The following RELL1 variants were observed in gnomAD, a reference collection of about 807,000 sequenced individuals.
RELL1 encodes the protein RELT-like protein 1.
A neutral mutation model predicts 23.0 loss-of-function variants in RELL1; 10 were observed. That is an observed-to-expected ratio of 0.43 (90% confidence interval 0.27 to 0.74). The LOEUF is 0.74. RELL1 is among the 30% of genes least tolerant of loss of function. The pLI is 0.19. For synonymous variants in RELL1, 146 were observed against 146.8 expected, an observed-to-expected ratio of 0.99 and a Z score of 0.04; for missense variants, 315 against 364.4, an observed-to-expected ratio of 0.86 and a Z score of 1.10.
chr4:37,605,849 AAAG>A (rs1719195358), downstream of RELL1, among the ~76,000 whole-genome samples: 1 of 75,690 alleles, frequency 1.3e-5, no homozygotes, highest in Non-Finnish European at 4.6e-5. Flanking sequence ...GAAAGAAGGA[AAAG>A]AAAAGAAAAG....
chr4:37,650,986 G>A (rs1487919872), intron 1 of RELL1, among the ~76,000 whole-genome samples: 2 of 150,732 alleles, frequency 1.3e-5, no homozygotes, highest in Non-Finnish European at 2.9e-5. Context: ...TTGAGCCTGC[G>A]AGGCAGAGGT....
At chr4:37,676,249 G>T (rs2109313503) in intron 1 of RELL1, among the ~76,000 whole-genome samples, 1 of 152,230 alleles carries the variant, frequency 6.6e-6, no homozygotes, top group East Asian at 1.9e-4. Context: ...GCTCCATAAA[G>T]GCAGGTACTG....
At chr4:37,686,145 GCGCTCCCGGGACCGGGC>G in intron 1 of RELL1, 38 bp downstream of exon 1, 1 of 1,462,724 alleles carries the variant, frequency 6.8e-7, no homozygotes, top group Non-Finnish European at 9.2e-7. Context: ...GCTTCCTTCC[GCGCTCCCGGGACCGGGC>G]TCAGCACCCG....
Position 37,631,428 on chromosome 4 carries a change from G to A in RELL1, c.776C>T (p.Pro259Leu), listed in dbSNP as rs377700532. The A allele has an allele frequency of 2.3e-5, 37 of 1,613,900 alleles. 2 individuals are homozygous for A. The highest frequency in any genetic ancestry group is 1.7e-4 in the African/African-American group (13 of 74,864). The change falls in exon 6 of 7, where the codon CCG becomes CTG. Residue 259 changes from proline to leucine, a missense_variant. Coordinates refer to ENST00000454158, the MANE Select transcript of RELL1 (RefSeq NM_001085400.2). ...SGAETVNGEV[P>L]ATPVKRERSG... is the part of the protein sequence containing the mutation. ...GCGTTCTCTCTTCACAGGTGTTGCC[G>A]GCACCTCCCCATTGACGGTTTCAGC...
chr4:37,590,803 G>A, exon 7 of RELL1: 1 of 1,614,166 alleles, frequency 6.2e-7, no homozygotes, highest in Non-Finnish European at 8.5e-7. Flanking sequence ...GGAAACAGAA[G>A]TTCTAAGCAT....
chr4:37,661,725 C>T (rs1721365157), intron 1 of RELL1, among the ~76,000 whole-genome samples: 1 of 152,234 alleles, frequency 6.6e-6, no homozygotes, highest in Non-Finnish European at 1.5e-5. Context: ...CTAAGACCAT[C>T]TACCCACAGT....
At chr4:37,609,829 G>A (rs1310049489), downstream of RELL1, among the ~76,000 whole-genome samples, 1 of 152,214 alleles carries the variant, frequency 6.6e-6, no homozygotes, top group Non-Finnish European at 1.5e-5. Flanking sequence ...TTGAATAGAT[G>A]AGGAATTGCT....
chr4:37,612,335 AAAAC>A lies in RELL1; in HGVS notation c.*1007_*1010del, dbSNP rs796432737. On this transcript the variant is annotated 3_prime_UTR_variant, in exon 7 of 7. Coordinates refer to ENST00000454158, the MANE Select transcript of RELL1 (RefSeq NM_001085400.2). Reference sequence around the variant, plus strand: ...TCAGCTAAAGGTTAAAAAAAAAAAAAAAACAAAAAAAAACAAAAAACCGGGTGCA... The same window carrying A: ...TCAGCTAAAGGTTAAAAAAAAAAAAAAAAAAAAAACAAAAAACCGGGTGCA... Among the ~76,000 whole-genome samples the A allele has an allele frequency of 1.6e-3, 40 of 24,650 alleles. 1 individual carries two copies. Among genetic ancestry groups the A allele is most frequent in the African/African-American group, 2.8e-3 (37 of 13,158 alleles). 16.2% of individuals were successfully genotyped at this position (24,650 alleles called of 152,430 possible).
chr4:37,632,106 A>C (rs894585459), intron 5 of RELL1, among the ~76,000 whole-genome samples: 3 of 151,038 alleles, frequency 2.0e-5, no homozygotes, highest in Non-Finnish European at 3.0e-5. Flanking sequence ...AAAAAAAAAA[A>C]AAACACCTCA....
intron 1 of RELL1, among the ~76,000 whole-genome samples, chr4:37,684,809 C>T (rs926187983): frequency 6.6e-6 from 1 of 151,876 alleles, no homozygotes; most frequent in Non-Finnish European, 1.5e-5. Flanking sequence ...AAAAATTAGC[C>T]GGGCATGGTG....
intron 1 of RELL1, among the ~76,000 whole-genome samples, chr4:37,654,909 T>C (rs1388724351): frequency 6.6e-6 from 1 of 152,084 alleles, no homozygotes; most frequent in African/African-American, 2.4e-5. Context: ...AAAACCAAAA[T>C]GCTAAGTGAT....
intron 1 of RELL1, among the ~76,000 whole-genome samples, chr4:37,669,223 C>T (rs1236895835): frequency 8.3e-6 from 1 of 120,014 alleles, no homozygotes; most frequent in South Asian, 2.4e-4. Flanking sequence ...CCGCCCCGTC[C>T]GGGAGGGAGG....
At chr4:37,590,786 A>AG, downstream of RELL1, 1 of 1,614,074 alleles carries the variant, frequency 6.2e-7, no homozygotes, top group Non-Finnish European at 8.5e-7. Flanking sequence ...TCATTGAATG[A>AG]GGATGTGGAA....
At chr4:37,589,232 C>A (rs1364449937), downstream of RELL1, among the ~76,000 whole-genome samples, 2 of 152,184 alleles carry the variant, frequency 1.3e-5, no homozygotes, top group African/African-American at 4.8e-5. Flanking sequence ...GTCCACATTG[C>A]ATTTCAGAAA....
At chr4:37,662,841 T>C (rs1051986037) in intron 1 of RELL1, among the ~76,000 whole-genome samples, 3 of 151,308 alleles carry the variant, frequency 2.0e-5, no homozygotes, top group African/African-American at 7.3e-5. Flanking sequence ...AGGATCCCGG[T>C]GTCTTGAGAG....
chr4:37,630,651 A>G (rs1433179430), intron 6 of RELL1, among the ~76,000 whole-genome samples: 1 of 151,702 alleles, frequency 6.6e-6, no homozygotes, highest in Non-Finnish European at 1.5e-5. Flanking sequence ...ATGGGATTAC[A>G]GGCGTGAGCC....
In RELL1 at chr4:37,649,361, G is replaced by T. The variant is rs751973905; in HGVS notation, c.228C>A (p.Leu76=). 1 of 1,614,210 alleles carries T rather than the reference G, an allele frequency of 6.2e-7. No homozygotes were observed. Among genetic ancestry groups the T allele is most frequent in the South Asian group, 1.1e-5 (1 of 91,082 alleles). ...CTTTCTTCTTAAGCAGGTGGCAAAT[G>T]AGGACGCCAAAGAGACCCATGATAA... ...VFFIMGLFGV[L]ICHLLKKKGY... The change falls in exon 2 of 7, where the codon CTC becomes CTA. Residue 76 remains leucine, a synonymous_variant. Transcript: ENST00000454158.
In RELL1 at chr4:37,657,498, G is replaced by A. The variant is rs552304937; in HGVS notation, c.89-7998C>T. Among the ~76,000 whole-genome samples the A allele has an allele frequency of 1.5e-3, 226 of 152,334 alleles. 1 individual carries two copies. Among genetic ancestry groups the A allele is most frequent in the Admixed American group, 6.8e-3 (104 of 15,302 alleles). ...AGCAAAAGGGAGAGACAGAGCGGGA[G>A]TATGAAGCAATGGCCTTGAGATGAC... On this transcript the variant is annotated intron_variant, in intron 1 of 6. Transcript: ENST00000454158.
Position 37,593,127 on chromosome 4 carries a change from A to G in RELL1, c.*4-1910T>C, listed in dbSNP as rs921478043. ...TGGCATTGTTAATTGCATTAGAGGT[A>G]TGTCTCCTTTTGTATTTAGTACACC... On this transcript the variant is annotated intron_variant, in intron 6 of 6. Transcript: ENST00000314117. 2.0e-5 allele frequency among the ~76,000 whole-genome samples: 3 copies of G among 152,232 alleles called. No individual in the cohort carries two copies. In the East Asian group the frequency reaches 5.8e-4, roughly 29 times the overall value.
Sources: gnomAD v4.1 joint callset for allele counts (sites outside exome capture counted in the v4.1 genomes callset) on GRCh38, gnomAD v4.1.1 for gene constraint, MANE v1.5 for transcripts, NCBI Gene and HGNC (gene_info 2026-07-23, HGNC 2026-07-21) for gene names.